The following MASP1 variants were observed in gnomAD, a reference collection of about 807,000 sequenced individuals.
MASP1 encodes the protein MBL associated serine protease 1.
A neutral mutation model predicts 77.1 loss-of-function variants in MASP1; 59 were observed. That is an observed-to-expected ratio of 0.77 (90% CI 0.62 to 0.95). The LOEUF is 0.95. MASP1 is among the 40% of genes least tolerant of loss of function. The pLI is 0.00. For missense variants in MASP1, 885 were observed against 912.9 expected, an observed-to-expected ratio of 0.97 and a Z score of 0.39; for synonymous variants, 362 against 354.5, an observed-to-expected ratio of 1.02 and a Z score of -0.24.
At chr3:187,221,374 A>G (rs1020223129) in intron 14 of MASP1, among the ~76,000 whole-genome samples, 1 of 152,248 alleles carries the variant, frequency 6.6e-6, no homozygotes, top group Non-Finnish European at 1.5e-5. Context: ...TGGGCAAGTC[A>G]CATGCCCTCT....
chr3:187,243,597 T>C lies in MASP1; in HGVS notation c.1115A>G (p.Glu372Gly). 6.2e-7 allele frequency: 1 copy of C among 1,614,134 alleles called. No individual in the cohort carries two copies. Among genetic ancestry groups the C allele is most frequent in the Non-Finnish European group, 8.5e-7 (1 of 1,180,020 alleles). ...CKIVDCRAPG[E>G]LEHGLITFST... ...GAAGGTGATCAGCCCGTGTTCCAGC[T>C]CTCCTGGGGCTCTACAGTCTACAAC... Residue 372 changes from glutamate to glycine, a missense_variant, in exon 9 of 11, where the codon GAG becomes GGG. Physicochemically the swap from Glu to Gly is moderately conservative, Grantham distance 98. Coordinates refer to ENST00000296280, the MANE Select transcript of MASP1 (RefSeq NM_139125.4).
intron 8 of MASP1, among the ~76,000 whole-genome samples, chr3:187,245,632 C>T (rs1332364028): frequency 6.6e-6 from 1 of 152,122 alleles, no homozygotes; most frequent in Non-Finnish European, 1.5e-5. Flanking sequence ...GTGACTTAAC[C>T]CCTCACAAGA....
intron 2 of MASP1, chr3:187,263,033 GCAGA>G (rs1239229672): frequency 2.9e-6 from 1 of 340,494 alleles, no homozygotes; most frequent in South Asian, 3.0e-5. Context: ...AGATAACCTC[GCAGA>G]CAGATTCTCT....
chr3:187,280,392 T>C (rs901998653), intron 2 of MASP1, among the ~76,000 whole-genome samples: 1 of 152,220 alleles, frequency 6.6e-6, no homozygotes, highest in African/African-American at 2.4e-5. Context: ...CAAATGCAGA[T>C]GATTTATGCT....
intron 15 of MASP1, chr3:187,220,972 T>TGCTGGCTCTGCACCACTCCCTG (rs1712025187): frequency 1.4e-6 from 2 of 1,411,544 alleles, no homozygotes; most frequent in Non-Finnish European, 1.0e-6. Flanking sequence ...TGTGCTCCCT[T>TGCTGGCTCTGCACCACTCCCTG]GCTGGCTCTG....
At chr3:187,225,920 A>G (rs569618814) in intron 12 of MASP1, among the ~76,000 whole-genome samples, 1 of 152,320 alleles carries the variant, frequency 6.6e-6, no homozygotes, top group East Asian at 1.9e-4. Context: ...ACTTTCCGTT[A>G]GAGGTCTCTG....
At chr3:187,264,292 TCTC>T (rs1472584179) in intron 2 of MASP1, among the ~76,000 whole-genome samples, 1 of 152,216 alleles carries the variant, frequency 6.6e-6, no homozygotes, top group Non-Finnish European at 1.5e-5. Flanking sequence ...TTATTCCTCT[TCTC>T]TGCAGATACC....
intron 8 of MASP1, among the ~76,000 whole-genome samples, chr3:187,247,873 T>C (rs1714230484): frequency 6.6e-6 from 1 of 152,230 alleles, no homozygotes; most frequent in South Asian, 2.1e-4. Context: ...TCTCTATCAC[T>C]GTTTAGGACC....
At position 187,220,322 on chromosome 3, in the gene MASP1, T is replaced by TA; in HGVS notation, c.1910-62_1910-61insT. ...CCCCTTCCCAGCCCAAGTCTCCTTC[T>TA]CCCATGTATGGGTTGTAGTTCAGAG... On this transcript the variant is annotated intron_variant, in intron 15 of 15. Transcript: ENST00000337774. The TA allele has an allele frequency of 4.1e-6, 6 of 1,480,654 alleles. No individual in the cohort carries two copies. The Admixed American group carries it at 9.2e-5, about 23-fold the overall frequency. The allele number at this position is 1,480,654 out of a possible 1,614,324, so 91.7% of individuals were successfully genotyped here.
In MASP1 at chr3:187,246,499, T is replaced by A. The variant is rs1714091710; in HGVS notation, c.1091-2878A>T. On this transcript the variant is annotated intron_variant, in intron 8 of 10. Transcript: ENST00000296280. Reference sequence around the variant, plus strand: ...CTCCCCTCACCGCACAGCCATTTAATCACCAAATAGATCGGGCAGTCCATT... The same window carrying A: ...CTCCCCTCACCGCACAGCCATTTAAACACCAAATAGATCGGGCAGTCCATT... 4.1e-6 allele frequency: 4 copies of A among 985,336 alleles called. No individual in the cohort carries two copies. The South Asian group carries it at 1.9e-4, about 46-fold the overall frequency. The allele number at this position is 985,336 out of a possible 1,614,324, so 61.0% of individuals were successfully genotyped here.
At position 187,286,189 on chromosome 3, in the gene MASP1, G is replaced by C. The variant is rs116311454; in HGVS notation, c.6-133C>G. The C allele has an allele frequency of 1.9e-3, 1,423 of 733,736 alleles. 13 individuals carry two copies. Among genetic ancestry groups the C allele is most frequent in the African/African-American group, 0.017 (982 of 57,874 alleles). 45.5% of individuals were successfully genotyped at this position (733,736 alleles called of 1,614,324 possible). On this transcript the variant is annotated intron_variant, in intron 1 of 10. Transcript: ENST00000296280. ...CTGCCGTAATTAGCTTTCCCCTTCT[G>C]ACCTTGCCTCCTCAGTCTGTATTAT...
At chr3:187,248,181 C>T (rs1477913952) in intron 8 of MASP1, among the ~76,000 whole-genome samples, 1 of 152,188 alleles carries the variant, frequency 6.6e-6, no homozygotes, top group African/African-American at 2.4e-5. Context: ...ATCAGGGAAA[C>T]AGTTTCTCTT....
Position 187,235,284 on chromosome 3 carries a change from A to G in MASP1, c.*400T>C, listed in dbSNP as rs1339873432. On this transcript the variant is annotated 3_prime_UTR_variant, in exon 11 of 11. Transcript: ENST00000296280. ...TCAATGTTAGAAACCATTTTCTAAT[A>G]GTCAGGTCCAAGCTCAGTTATACCA... The G allele has an allele frequency of 7.6e-7, 1 of 1,310,788 alleles. No individual in the cohort carries two copies. The highest frequency in any genetic ancestry group is 1.5e-5 in the African/African-American group (1 of 66,850). 81.2% of individuals were successfully genotyped at this position (1,310,788 alleles called of 1,614,324 possible).
At chr3:187,291,406 AC>A in intron 1 of MASP1, 1 of 624,222 alleles carries the variant, frequency 1.6e-6, no homozygotes, top group Admixed American at 2.5e-5. Flanking sequence ...CAGGATTTGC[AC>A]GAAGTCTCCC....
rs776466943 is a variant in MASP1, at chr3:187,260,766, G to C, written c.522C>G (p.Leu174=). ...CTCGGCAGGTCCTGTTGTCTGTGTG[G>C]AGGATGTAGCCGAAGCGGCAGGAGC... ...YYCSCRFGYI[L]HTDNRTCRVE... is the part of the protein sequence containing the mutation. The change falls in exon 4 of 11, where the codon CTC becomes CTG. Residue 174 remains leucine (L), a synonymous_variant. Coordinates refer to ENST00000296280, the MANE Select transcript of MASP1 (RefSeq NM_139125.4). 5 of 1,614,166 alleles carry C rather than the reference G, an allele frequency of 3.1e-6. No homozygotes were observed. In the South Asian group the frequency reaches 5.5e-5, roughly 18 times the overall value.
intron 11 of MASP1, among the ~76,000 whole-genome samples, chr3:187,229,065 G>C (rs1416770474): frequency 1.3e-5 from 2 of 152,218 alleles, no homozygotes; most frequent in African/African-American, 4.8e-5. Flanking sequence ...AAGTGGTCTA[G>C]ATAGCCTAGA....
rs1715702294 is a variant in MASP1, at chr3:187,262,717, C to T, written c.241G>A (p.Glu81Lys). ...GTTGCCAGCACCTGGTCCTCAGTTT[C>T]TACCTTTGAGGTCAAAGAGAAAGGG... is the stretch of plus-strand genomic sequence containing the variant. ...YLCEYDYVKV[E>K]TEDQVLATFC... The change falls in exon 3 of 11, where the codon GAA (glutamate) becomes AAA (lysine). Residue 81 changes from glutamate (E) to lysine (K), a missense_variant. Physicochemically the swap from Glu to Lys is moderately conservative, Grantham distance 56 (BLOSUM62 1). Transcript: ENST00000296280. 1 of 1,614,004 alleles carries T rather than the reference C, an allele frequency of 6.2e-7. No individual in the cohort carries two copies. Among genetic ancestry groups the T allele is most frequent in the South Asian group, 1.1e-5 (1 of 91,066 alleles).
At chr3:187,241,425 G>A in intron 10 of MASP1, 56 bp downstream of exon 10, 3 of 1,433,034 alleles carry the variant, frequency 2.1e-6, no homozygotes, top group African/African-American at 1.4e-5. Context: ...GAAAACCTGG[G>A]GTCCTAGGGC....
chr3:187,251,103 C>T (rs7644561), intron 7 of MASP1, among the ~76,000 whole-genome samples: 1,795 of 152,272 alleles, frequency 0.012, 35 homozygotes, highest in African/African-American at 0.041. Context: ...GGATTACAGG[C>T]GCCCGCCACC....
Sources: gnomAD v4.1 joint callset for allele counts (sites outside exome capture counted in the v4.1 genomes callset) on GRCh38, gnomAD v4.1.1 for gene constraint, MANE v1.5 for transcripts, NCBI Gene and HGNC (gene_info 2026-07-23, HGNC 2026-07-21) for gene names.